The following GUCY2C variants were observed in gnomAD, a reference collection of about 807,000 sequenced individuals.
GUCY2C encodes the protein guanylyl cyclase C.
In GUCY2C, 118 loss-of-function variants were observed where a neutral mutation model predicts 131.1. That is an observed-to-expected ratio of 0.90 (90% CI 0.78 to 1.05). GUCY2C has a LOEUF of 1.05. GUCY2C is among the 50% of genes least tolerant of loss of function. The probability of loss-of-function intolerance (pLI) is 0.00; values close to 1 mark genes in which losing one functional copy is unlikely to be tolerated. For missense variants in GUCY2C, 1,161 were observed against 1,304.4 expected, an observed-to-expected ratio of 0.89 and a Z score of 1.69; for synonymous variants, 452 against 457.8, an observed-to-expected ratio of 0.99 and a Z score of 0.16.
intron 20 of GUCY2C, among the ~76,000 whole-genome samples, chr12:14,626,456 G>T (rs2136991604): frequency 6.6e-6 from 1 of 152,284 alleles, no homozygotes; most frequent in East Asian, 1.9e-4. Flanking sequence ...CCTTCCTGAA[G>T]AGCAATTTGG....
intron 19 of GUCY2C, among the ~76,000 whole-genome samples, chr12:14,637,761 A>C (rs1947302840): frequency 6.6e-6 from 1 of 152,218 alleles, no homozygotes; most frequent in African/African-American, 2.4e-5. Flanking sequence ...AGGACCTGAA[A>C]CTATGAAACT....
chr12:14,678,117 A>G (rs1042074751), intron 6 of GUCY2C, among the ~76,000 whole-genome samples: 8 of 152,122 alleles, frequency 5.3e-5, no homozygotes, highest in Non-Finnish European at 1.2e-4. Flanking sequence ...TGCCCAGCAT[A>G]TTTAATATTT....
intron 17 of GUCY2C, among the ~76,000 whole-genome samples, chr12:14,641,571 T>C (rs11056074): frequency 0.31 from 46,877 of 151,998 alleles, 8,337 homozygotes; most frequent in East Asian, 0.64. Context: ...GTTGAATGAA[T>C]ACAGTAGAAT....
At chr12:14,684,005 C>T (rs61920218) in intron 3 of GUCY2C, among the ~76,000 whole-genome samples, 1 of 152,048 alleles carries the variant, frequency 6.6e-6, no homozygotes, top group Non-Finnish European at 1.5e-5. Context: ...TTTCTATGTC[C>T]ACTTCCTTCT....
At chr12:14,652,668 T>C (rs147876922) in intron 13 of GUCY2C, among the ~76,000 whole-genome samples, 1 of 152,354 alleles carries the variant, frequency 6.6e-6, no homozygotes, top group African/African-American at 2.4e-5. Flanking sequence ...AATATAATAC[T>C]AGGGTTGCCC....
intron 8 of GUCY2C, chr12:14,674,224 A>G (rs936044606): frequency 4.0e-6 from 1 of 247,306 alleles, no homozygotes; most frequent in African/African-American, 2.2e-5. Context: ...TTTGATAGCT[A>G]AAGGTTTTAA....
intron 25 of GUCY2C, 74 bp downstream of exon 25, chr12:14,616,559 G>T: frequency 1.2e-6 from 1 of 832,178 alleles, no homozygotes. Context: ...CAACTTTCCT[G>T]GCCAAGTCTC....
intron 3 of GUCY2C, among the ~76,000 whole-genome samples, chr12:14,684,143 C>G (rs938963190): frequency 6.6e-6 from 1 of 152,250 alleles, no homozygotes; most frequent in African/African-American, 2.4e-5. Flanking sequence ...AGCTTAAAAC[C>G]TTAGTGATTT....
intron 19 of GUCY2C, among the ~76,000 whole-genome samples, chr12:14,634,711 C>T (rs117452271): frequency 0.03 from 4,524 of 152,148 alleles, 114 homozygotes; most frequent in Non-Finnish European, 0.045. Context: ...AGGCTGCCTA[C>T]AAGAAACTCA....
At chr12:14,671,782 G>C (rs894875808) in intron 9 of GUCY2C, among the ~76,000 whole-genome samples, 2 of 152,226 alleles carry the variant, frequency 1.3e-5, no homozygotes, top group African/African-American at 2.4e-5. Flanking sequence ...AACTCAGAGA[G>C]GAATGCATGT....
At chr12:14,678,595 T>C (rs1948286484) in intron 6 of GUCY2C, among the ~76,000 whole-genome samples, 1 of 152,222 alleles carries the variant, frequency 6.6e-6, no homozygotes, top group South Asian at 2.1e-4. Flanking sequence ...CGTGTAGCCA[T>C]CAAACAGGCC....
At chr12:14,633,882 A>G (rs990538958) in intron 19 of GUCY2C, among the ~76,000 whole-genome samples, 9 of 152,088 alleles carry the variant, frequency 5.9e-5, no homozygotes, top group Admixed American at 3.3e-4. Context: ...AAAGAACAAA[A>G]ATGAATGAGC....
At chr12:14,666,191 A>G (rs1261428099) in intron 10 of GUCY2C, among the ~76,000 whole-genome samples, 3 of 152,208 alleles carry the variant, frequency 2.0e-5, no homozygotes, top group African/African-American at 7.2e-5. Flanking sequence ...TATTATGCAA[A>G]TGCGGCCTCT....
In GUCY2C at chr12:14,651,488, G is replaced by A. The variant is rs756436056; in HGVS notation, c.1629C>T (p.Asn543=). The change falls in exon 15 of 27, where the codon AAC becomes AAT. Residue 543 remains asparagine (N), a synonymous_variant. Coordinates refer to ENST00000261170, the MANE Select transcript of GUCY2C (RefSeq NM_004963.4). ...TCACTGTGCCGTAGAACTTGGTCAGGTTGTAATAGTCAATCTGAAGCAACT... is the reference window on the plus strand; with the variant it reads ...TCACTGTGCCGTAGAACTTGGTCAGATTGTAATAGTCAATCTGAAGCAACT... ...LNKLLQIDYY[N]LTKFYGTVKL... 2 of 1,599,250 alleles carry A rather than the reference G, an allele frequency of 1.3e-6. No individual in the cohort carries two copies. Among genetic ancestry groups the A allele is most frequent in the South Asian group, 1.1e-5 (1 of 90,726 alleles).
intron 1 of GUCY2C, among the ~76,000 whole-genome samples, chr12:14,689,329 G>A (rs1237851330): frequency 6.6e-6 from 1 of 152,214 alleles, no homozygotes; most frequent in Non-Finnish European, 1.5e-5. Flanking sequence ...ATGAGAAAGA[G>A]TGTGGGTGGA....
rs78898734 is a variant in GUCY2C at position 14,666,737 on chromosome 12, A to C, written c.1282+2985T>G. Among the ~76,000 whole-genome samples, 3 of 294 alleles carry C rather than the reference A, an allele frequency of 0.01. No individual in the cohort carries two copies. The South Asian group carries it at 0.3, about 29-fold the overall frequency. The allele number at this position is 294 out of a possible 152,430, so 0.2% of individuals were successfully genotyped here. The stretch of plus-strand genomic sequence containing the variant: ...GTGATACAGCCAGACAATGTCTCCA[A>C]AAAAAAAAAAAAAGAGTAAGAAAAG... On this transcript the variant is annotated intron_variant, in intron 10 of 26. Transcript: ENST00000261170.
chr12:14,659,860 C>A (rs2137051735), intron 11 of GUCY2C, among the ~76,000 whole-genome samples: 1 of 152,320 alleles, frequency 6.6e-6, no homozygotes, highest in African/African-American at 2.4e-5. Context: ...TAGGAAGCCC[C>A]ATCTCTGCCT....
At chr12:14,690,604 C>G (rs560008414) in intron 1 of GUCY2C, among the ~76,000 whole-genome samples, 1 of 151,956 alleles carries the variant, frequency 6.6e-6, no homozygotes, top group African/African-American at 2.4e-5. Flanking sequence ...TGCAGTGGCG[C>G]GATCTCTGCT....
intron 21 of GUCY2C, 41 bp downstream of exon 21, chr12:14,625,716 T>C: frequency 6.3e-7 from 1 of 1,599,172 alleles, no homozygotes; most frequent in Middle Eastern, 1.7e-4. Flanking sequence ...AAAGCAATGC[T>C]AGAGGGATTT....
Sources: gnomAD v4.1 joint callset for allele counts (sites outside exome capture counted in the v4.1 genomes callset) on GRCh38, gnomAD v4.1.1 for gene constraint, MANE v1.5 for transcripts, NCBI Gene and HGNC (gene_info 2026-07-23, HGNC 2026-07-21) for gene names.